The following PCCA variants were observed in gnomAD, a reference collection of about 807,000 sequenced individuals.
PCCA encodes propionyl-CoA carboxylase alpha chain, mitochondrial.
In PCCA, 74 loss-of-function variants were observed where a neutral mutation model predicts 101.3. That is an observed-to-expected ratio of 0.73 (90% confidence interval 0.61 to 0.89). The LOEUF (loss-of-function observed/expected upper bound fraction) is 0.89, where lower values mean the gene tolerates loss of function less well. Ranked by LOEUF, PCCA falls within the 40% of genes least tolerant of loss-of-function variation. PCCA has a pLI of 0.00. For missense variants in PCCA, 891 were observed against 907.0 expected, an observed-to-expected ratio of 0.98 and a Z score of 0.23; for synonymous variants, 294 against 313.6, an observed-to-expected ratio of 0.94 and a Z score of 0.66.
intron 16 of PCCA, among the ~76,000 whole-genome samples, chr13:100,316,512 T>A (rs1004521314): frequency 3.3e-5 from 5 of 152,212 alleles, no homozygotes. Context: ...CAACATATGA[T>A]TTATCCTGTG....
intron 4 of PCCA, among the ~76,000 whole-genome samples, chr13:100,144,369 G>A (rs1012297978): frequency 3.3e-5 from 5 of 152,080 alleles, no homozygotes; most frequent in Non-Finnish European, 7.4e-5. Flanking sequence ...AGCTTTTAGA[G>A]TTTCTAGGAA....
intron 7 of PCCA, among the ~76,000 whole-genome samples, chr13:100,224,322 C>T (rs2060013700): frequency 6.6e-6 from 1 of 152,262 alleles, no homozygotes; most frequent in Non-Finnish European, 1.5e-5. Context: ...CCGGGGCCGG[C>T]AGGGCCAGCC....
chr13:100,187,869 T>A (rs1383863323), intron 6 of PCCA, among the ~76,000 whole-genome samples: 2 of 152,168 alleles, frequency 1.3e-5, no homozygotes, highest in Non-Finnish European at 2.9e-5. Context: ...GTGTACACTG[T>A]ACCCAAGGTG....
chr13:100,435,907 G>A (rs2079896742), intron 20 of PCCA, among the ~76,000 whole-genome samples: 1 of 152,118 alleles, frequency 6.6e-6, no homozygotes, highest in Non-Finnish European at 1.5e-5. Flanking sequence ...GCCTAGTGTG[G>A]TGGTGCATGC....
At chr13:100,114,622 AT>A (rs1051602875) in intron 4 of PCCA, among the ~76,000 whole-genome samples, 15 of 152,166 alleles carry the variant, frequency 9.9e-5, no homozygotes, top group Admixed American at 7.2e-4. Flanking sequence ...GGGGCAAAAG[AT>A]CTGAATAGTC....
At chr13:100,469,765 G>A (rs1313748354) in intron 21 of PCCA, among the ~76,000 whole-genome samples, 1 of 151,156 alleles carries the variant, frequency 6.6e-6, no homozygotes, top group Admixed American at 6.6e-5. Flanking sequence ...GGGCGACAGA[G>A]TTAGGCTCTG....
intron 19 of PCCA, among the ~76,000 whole-genome samples, chr13:100,384,845 T>G (rs1229702313): frequency 6.6e-6 from 1 of 152,132 alleles, no homozygotes; most frequent in African/African-American, 2.4e-5. Context: ...CCCTGAGCAT[T>G]TTAAAGAGAA....
At chr13:100,334,199 G>T (rs370947168) in intron 17 of PCCA, among the ~76,000 whole-genome samples, 12 of 152,142 alleles carry the variant, frequency 7.9e-5, no homozygotes, top group African/African-American at 2.9e-4. Flanking sequence ...ATACCTCTCC[G>T]GGGACTCTCT....
chr13:100,131,910 G>A (rs1463430499), intron 4 of PCCA, among the ~76,000 whole-genome samples: 1 of 152,142 alleles, frequency 6.6e-6, no homozygotes, highest in Non-Finnish European at 1.5e-5. Flanking sequence ...AGGGTGTTTT[G>A]TAAGTGTGGA....
chr13:100,408,559 A>G (rs1362664380), intron 19 of PCCA, among the ~76,000 whole-genome samples: 6 of 152,224 alleles, frequency 3.9e-5, no homozygotes, highest in African/African-American at 1.2e-4. Context: ...CACACACAGT[A>G]TATACACAGA....
At chr13:100,303,856 C>G (rs1459043554) in intron 14 of PCCA, among the ~76,000 whole-genome samples, 1 of 151,948 alleles carries the variant, frequency 6.6e-6, no homozygotes, top group Non-Finnish European at 1.5e-5. Context: ...ATGCTGTGTT[C>G]AAAGCCAGAA....
intron 21 of PCCA, among the ~76,000 whole-genome samples, chr13:100,513,112 C>G (rs2086603368): frequency 6.6e-6 from 1 of 152,250 alleles, no homozygotes; most frequent in East Asian, 1.9e-4. Context: ...CGGCACGCGC[C>G]CCGTGCAGCA....
chr13:100,421,707 T>C (rs1481600112), intron 19 of PCCA, among the ~76,000 whole-genome samples: 1 of 152,090 alleles, frequency 6.6e-6, no homozygotes, highest in Non-Finnish European at 1.5e-5. Context: ...TTTTTTGAGA[T>C]GGAGTCCCGC....
intron 5 of PCCA, among the ~76,000 whole-genome samples, chr13:100,156,694 C>A (rs1056334773): frequency 6.6e-6 from 1 of 152,032 alleles, no homozygotes; most frequent in African/African-American, 2.4e-5. Context: ...AAAGTAAAAC[C>A]ACACCTCCAT....
intron 21 of PCCA, among the ~76,000 whole-genome samples, chr13:100,473,692 A>G (rs144342605): frequency 5.5e-4 from 84 of 152,316 alleles, no homozygotes; most frequent in African/African-American, 1.9e-3. Context: ...TCTAGAGTCT[A>G]TCCCACCCCT....
At chr13:100,406,289 ATAAGT>A (rs1193056374) in intron 19 of PCCA, among the ~76,000 whole-genome samples, 1 of 152,184 alleles carries the variant, frequency 6.6e-6, no homozygotes, top group African/African-American at 2.4e-5. Context: ...CTATTTTGTC[ATAAGT>A]TAAGAACACT....
chr13:100,514,910 A>C (rs1694773984), intron 21 of PCCA, among the ~76,000 whole-genome samples: 1 of 152,248 alleles, frequency 6.6e-6, no homozygotes, highest in Non-Finnish European at 1.5e-5. Flanking sequence ...TGGAATTTTA[A>C]ATACTATTTT....
intron 21 of PCCA, among the ~76,000 whole-genome samples, chr13:100,483,794 G>C (rs545217177): frequency 3.9e-5 from 6 of 152,140 alleles, no homozygotes; most frequent in Non-Finnish European, 8.8e-5. Context: ...CTATTTTAGA[G>C]AAGTTGCTGA....
intron 12 of PCCA, chr13:100,293,320 A>G (rs1170179961): frequency 2.2e-5 from 10 of 454,456 alleles, no homozygotes; most frequent in African/African-American, 1.0e-4. Flanking sequence ...GGAATTCTGC[A>G]TCACAGGGAA....
Sources: allele counts gnomAD v4.1 joint callset (sites outside exome capture counted in the v4.1 genomes callset), GRCh38; gene constraint gnomAD v4.1.1; transcripts MANE v1.5; gene names NCBI Gene and HGNC (gene_info 2026-07-23, HGNC 2026-07-21).